The following CXADR variants were observed in gnomAD, a reference collection of about 807,000 sequenced individuals.
CXADR encodes CXADR cell adhesion molecule.
CXADR carries 20 observed loss-of-function variants against 40.3 expected under a neutral mutation model. The ratio of observed to expected loss-of-function variants is 0.50; its 90% CI spans 0.35 to 0.72. The LOEUF is 0.72. Ranked by LOEUF, CXADR falls within the 30% of genes least tolerant of loss-of-function variation. The probability of loss-of-function intolerance (pLI) is 0.01; values close to 1 mark genes in which losing one functional copy is unlikely to be tolerated. For missense variants in CXADR, 332 were observed against 449.1 expected (o/e 0.74, Z 2.36); for synonymous variants, 150 against 161.3 (o/e 0.93, Z 0.53).
chr21:17,537,689 C>T (rs1232915153), intron 1 of CXADR, among the ~76,000 whole-genome samples: 1 of 151,904 alleles, frequency 6.6e-6, no homozygotes, highest in Non-Finnish European at 1.5e-5. Flanking sequence ...TGTTTTGTTT[C>T]CTCAGCGATA....
chr21:17,523,319 GT>G (rs2060554666), intron 1 of CXADR, among the ~76,000 whole-genome samples: 1 of 152,176 alleles, frequency 6.6e-6, no homozygotes, highest in African/African-American at 2.4e-5. Context: ...AGGAATTCAT[GT>G]TTGTAGGCTT....
chr21:17,588,001 CA>C lies in CXADR; in HGVS notation c.1018-5150del, dbSNP rs2061409706. On this transcript the variant is annotated intron_variant, in intron 7 of 7. Coordinates refer to the CXADR transcript ENST00000400169. ...TTTATTAAATAGGGAATCCTTTCCC[CA>C]TTGCTTGTTTTTCTCAGGTTTGTCA... is the stretch of plus-strand genomic sequence containing the variant. Among the ~76,000 whole-genome samples the C allele has an allele frequency of 2.6e-5, 4 of 152,174 alleles. No individual in the cohort carries two copies. In the South Asian group the frequency reaches 8.3e-4, roughly 32 times the overall value.
At chr21:17,576,965 A>T (rs1456565927) in intron 7 of CXADR, 1 of 152,242 alleles carries the variant, frequency 6.6e-6, no homozygotes, top group Non-Finnish European at 1.5e-5. Flanking sequence ...TTAACTATTT[A>T]AAAACAAGTT....
At chr21:17,581,722 G>C (rs1235494901) in intron 7 of CXADR, among the ~76,000 whole-genome samples, 1 of 151,950 alleles carries the variant, frequency 6.6e-6, no homozygotes, top group Admixed American at 6.6e-5. Context: ...GCATGTGCCT[G>C]TAGTCCCAGC....
At chr21:17,629,500 G>A in the CXADR span, among the ~76,000 whole-genome samples, 3 of 152,172 alleles carry the variant, frequency 2.0e-5, no homozygotes, top group East Asian at 5.8e-4. Flanking sequence ...AGGAGGTTGA[G>A]GCTGTGGTTA....
At chr21:17,516,925 A>G (rs1305882943) in intron 1 of CXADR, among the ~76,000 whole-genome samples, 1 of 152,178 alleles carries the variant, frequency 6.6e-6, no homozygotes, top group African/African-American at 2.4e-5. Context: ...GTAGATAAAC[A>G]TACACAATTT....
chr21:17,621,886 A>G, the CXADR span, among the ~76,000 whole-genome samples: 2 of 152,366 alleles, frequency 1.3e-5, 1 homozygote, highest in South Asian at 4.1e-4. Context: ...TTTACACATT[A>G]CAAGTTGTAT....
intron 1 of CXADR, among the ~76,000 whole-genome samples, chr21:17,543,985 G>C (rs969991294): frequency 1.3e-5 from 2 of 152,022 alleles, no homozygotes; most frequent in African/African-American, 4.8e-5. Context: ...GTAACATAGT[G>C]AGACCTCATC....
chr21:17,530,267 CTT>C, intron 1 of CXADR: 1 of 319,538 alleles, frequency 3.1e-6, no homozygotes, highest in Non-Finnish European at 6.1e-6. Flanking sequence ...GCCCGGCCTC[CTT>C]CACCCTTTTT....
In CXADR at chr21:17,569,472, A is replaced by G. The variant is rs2061256842; in HGVS notation, c.*3780A>G. 2 of 985,280 alleles carry G rather than the reference A, an allele frequency of 2.0e-6. No homozygotes were observed. The highest frequency in any genetic ancestry group is 3.5e-5 in the African/African-American group (2 of 57,336). The allele number at this position is 985,280 out of a possible 1,614,324, so 61.0% of individuals were successfully genotyped here. A position where few individuals can be genotyped will look rare whatever the true frequency, so the allele number is the denominator to read the frequency against. The stretch of plus-strand genomic sequence containing the variant: ...GAATGCCTTTGGATATTCCAGCAAT[A>G]AAGGCATCATGTTCTGCAATAGGAT... On this transcript the variant is annotated 3_prime_UTR_variant, in exon 7 of 7. Coordinates refer to ENST00000284878, the MANE Select transcript of CXADR (RefSeq NM_001338.5).
intron 4 of CXADR, 47 bp downstream of exon 4, chr21:17,559,178 A>C: frequency 6.3e-7 from 1 of 1,591,600 alleles, no homozygotes; most frequent in Non-Finnish European, 8.6e-7. Context: ...GATTTGGACT[A>C]AGATCTAGTA....
chr21:17,566,144 A>G lies in CXADR; in HGVS notation c.*452A>G, dbSNP rs2061205682. 1 of 984,806 alleles carries G rather than the reference A, an allele frequency of 1.0e-6. No individual in the cohort carries two copies. The highest frequency in any genetic ancestry group is 4.7e-5 in the South Asian group (1 of 21,282). The allele number at this position is 984,806 out of a possible 1,614,324, so 61.0% of individuals were successfully genotyped here. A position where few individuals can be genotyped will look rare whatever the true frequency, so the allele number is the denominator to read the frequency against. On this transcript the variant is annotated 3_prime_UTR_variant, in exon 7 of 7. Coordinates refer to ENST00000284878, the MANE Select transcript of CXADR (RefSeq NM_001338.5). ...CCAGTCTCCCCCAAATTAGTACAGA[A>G]ATATCCATGACAAAATTACTTACGT...
intron 7 of CXADR, among the ~76,000 whole-genome samples, chr21:17,584,189 G>T (rs1405244886): frequency 6.6e-6 from 1 of 152,180 alleles, no homozygotes; most frequent in African/African-American, 2.4e-5. Flanking sequence ...TCCTGGCTCA[G>T]CCACTGAACA....
intron 7 of CXADR, among the ~76,000 whole-genome samples, chr21:17,589,461 A>G (rs938452695): frequency 6.6e-6 from 1 of 152,110 alleles, no homozygotes; most frequent in South Asian, 2.1e-4. Flanking sequence ...TTAAAGATCA[A>G]AATGTTGAAA....
At chr21:17,578,780 C>T (rs1033644712) in intron 7 of CXADR, among the ~76,000 whole-genome samples, 1 of 152,120 alleles carries the variant, frequency 6.6e-6, no homozygotes, top group Non-Finnish European at 1.5e-5. Context: ...CATGATAGCG[C>T]CACTGCACTC....
chr21:17,627,594 C>T, the CXADR span, among the ~76,000 whole-genome samples: 1 of 152,076 alleles, frequency 6.6e-6, no homozygotes, highest in African/African-American at 2.4e-5. Flanking sequence ...TCAAGACCAT[C>T]GGGAAATATG....
chr21:17,611,173 C>T, the CXADR span, among the ~76,000 whole-genome samples: 1 of 152,150 alleles, frequency 6.6e-6, no homozygotes, highest in Non-Finnish European at 1.5e-5. Flanking sequence ...TATATTCCAC[C>T]ACGATACGAT....
At chr21:17,601,118 G>A in the CXADR span, among the ~76,000 whole-genome samples, 6 of 151,154 alleles carry the variant, frequency 4.0e-5, no homozygotes, top group African/African-American at 7.3e-5. Flanking sequence ...AGCTGAGATC[G>A]CACCACTGCA....
intron 3 of CXADR, among the ~76,000 whole-genome samples, chr21:17,557,165 C>T (rs759048332): frequency 2.6e-5 from 4 of 152,106 alleles, no homozygotes; most frequent in South Asian, 2.1e-4. Context: ...GTTTATCAGC[C>T]GGAAGGACAG....
Sources: allele counts gnomAD v4.1 joint callset (sites outside exome capture counted in the v4.1 genomes callset), GRCh38; gene constraint gnomAD v4.1.1; transcripts MANE v1.5; gene names NCBI Gene and HGNC (gene_info 2026-07-23, HGNC 2026-07-21).